Variants in DICER1 observed in about 807,000 individuals in gnomAD.
DICER1 encodes endoribonuclease Dicer.
A neutral mutation model predicts 194.1 loss-of-function variants in DICER1; 43 were observed. That is an observed-to-expected ratio of 0.22 (90% confidence interval 0.17 to 0.29). The LOEUF is 0.29. DICER1 is among the 10% of genes least tolerant of loss of function. The pLI, the probability that DICER1 is intolerant of heterozygous loss-of-function variation, is 1.00. For missense variants in DICER1, 1,608 were observed against 2,317.0 expected, an observed-to-expected ratio of 0.69 and a Z score of 6.28; for synonymous variants, 832 against 820.5, an observed-to-expected ratio of 1.01 and a Z score of -0.24.
At chr14:95,134,170 T>C (rs940238133) in intron 1 of DICER1, among the ~76,000 whole-genome samples, 2 of 152,196 alleles carry the variant, frequency 1.3e-5, no homozygotes, top group African/African-American at 2.4e-5. Flanking sequence ...CAACCTATTA[T>C]AAATGCACAA....
chr14:95,095,742 G>T (rs1255290081), intron 23 of DICER1, 83 bp downstream of exon 23: 12 of 1,426,994 alleles, frequency 8.4e-6, no homozygotes, highest in South Asian at 1.2e-5. Flanking sequence ...TACATGCATA[G>T]ATCACTTTTA....
intron 1 of DICER1, among the ~76,000 whole-genome samples, chr14:95,149,071 A>G (rs775468692): frequency 2.6e-5 from 4 of 152,176 alleles, no homozygotes; most frequent in Non-Finnish European, 2.9e-5. Flanking sequence ...CTACAGGCAC[A>G]TACTTTACTC....
At chr14:95,144,632 G>A (rs1039381821) in intron 1 of DICER1, among the ~76,000 whole-genome samples, 30 of 151,900 alleles carry the variant, frequency 2.0e-4, no homozygotes, top group African/African-American at 5.8e-4. Context: ...TTCATTAACC[G>A]TAAGATTCGG....
At chr14:95,096,734 G>A (rs1482144586) in intron 22 of DICER1, 21 bp from the exon 23 acceptor site, 28 of 1,579,374 alleles carry the variant, frequency 1.8e-5, no homozygotes, top group Non-Finnish European at 2.3e-5. Context: ...GGGGAATGGG[G>A]AAGGAGGGGA....
At chr14:95,093,580 T>C (rs1163072711) in intron 24 of DICER1, among the ~76,000 whole-genome samples, 2 of 152,214 alleles carry the variant, frequency 1.3e-5, no homozygotes, top group Non-Finnish European at 2.9e-5. Context: ...GGTCCGGCAG[T>C]GGAGGCCACT....
chr14:95,129,831 A>G (rs976107492), intron 5 of DICER1, among the ~76,000 whole-genome samples, 199 bp from the exon 6 acceptor site: 2 of 152,232 alleles, frequency 1.3e-5, no homozygotes, highest in Non-Finnish European at 2.9e-5. Context: ...CTGTTTTTCA[A>G]AAAGGCTCAA....
intron 1 of DICER1, among the ~76,000 whole-genome samples, chr14:95,134,733 G>T (rs1390637535): frequency 6.6e-6 from 1 of 152,120 alleles, no homozygotes; most frequent in Non-Finnish European, 1.5e-5. Flanking sequence ...CAGTGCAGGG[G>T]CACCCCACTG....
At chr14:95,111,198 C>A in intron 14 of DICER1, 119 bp downstream of exon 14, 1 of 1,133,348 alleles carries the variant, frequency 8.8e-7, no homozygotes, top group Non-Finnish European at 1.3e-6. Context: ...AGCTGAGATC[C>A]AGAGTGGGCC....
chr14:95,130,807 T>C (rs1287991857), intron 4 of DICER1, among the ~76,000 whole-genome samples: 1 of 152,180 alleles, frequency 6.6e-6, no homozygotes, highest in Non-Finnish European at 1.5e-5. Flanking sequence ...GCTGGCTGCA[T>C]GGAAACATTC....
At chr14:95,093,007 G>A (rs1367829477) in intron 24 of DICER1, among the ~76,000 whole-genome samples, 2 of 152,176 alleles carry the variant, frequency 1.3e-5, no homozygotes, top group Non-Finnish European at 2.9e-5. Context: ...CTGGCAGGGC[G>A]TGAACTCGGC....
intron 6 of DICER1, among the ~76,000 whole-genome samples, chr14:95,127,471 T>G (rs1893574733): frequency 6.6e-6 from 1 of 151,700 alleles, no homozygotes; most frequent in Non-Finnish European, 1.5e-5. Flanking sequence ...AAAAATGAAG[T>G]ATCTTGAGGA....
chr14:95,117,740 G>C lies in DICER1; in HGVS notation c.1391C>G (p.Ala464Gly), dbSNP rs761639108. ...AVVLNRLIKE[A>G]GKQDPELAYI... ...AGCCAGCTCTGGATCTTGTTTGCCA[G>C]CTTCCTTTATCAATCTAAGAAAATT... is the stretch of plus-strand genomic sequence containing the variant. Residue 464 changes from alanine to glycine, a missense_variant, in exon 9 of 27, where the codon GCT becomes GGT. Transcript: ENST00000343455. 2 of 1,613,816 alleles carry C rather than the reference G, an allele frequency of 1.2e-6. No homozygotes were observed. Among genetic ancestry groups the C allele is most frequent in the Non-Finnish European group, 1.7e-6 (2 of 1,179,762 alleles).
Position 95,107,697 on chromosome 14 carries a change from A to C in DICER1, c.2715T>G (p.Ala905=). The change falls in exon 17 of 27, where the codon GCT becomes GCG. Residue 905 remains alanine, a synonymous_variant. Transcript: ENST00000343455. ...KFMEDIEKSE[A]RIGIPSTKYT... is the part of the protein sequence containing the mutation. ...ACTTTGTACTGGGAATGCCTATGCG[A>C]GCTTCAGACTTCTCAATATCTTCCA... 2 of 1,613,384 alleles carry C rather than the reference A, an allele frequency of 1.2e-6. No homozygotes were observed. The highest frequency in any genetic ancestry group is 1.7e-6 in the Non-Finnish European group (2 of 1,179,510).
At chr14:95,126,254 T>G (rs776376130) in intron 7 of DICER1, among the ~76,000 whole-genome samples, 6 of 152,150 alleles carry the variant, frequency 3.9e-5, no homozygotes, top group Non-Finnish European at 5.9e-5. Flanking sequence ...GCGGAAGAAT[T>G]TGTTTAATTC....
At chr14:95,106,314 AT>A (rs1891426150) in intron 17 of DICER1, 91 bp from the exon 18 acceptor site, 1 of 973,956 alleles carries the variant, frequency 1.0e-6, no homozygotes, top group African/African-American at 1.6e-5. Context: ...GGAAATGATG[AT>A]TAAGAATTCA....
Position 95,133,387 on chromosome 14 carries a change from C to A in DICER1, c.72G>T (p.Met24Ile), listed in dbSNP as rs751520020. ...LQLMTPASSP[M>I]GPFFGLPWQQ... ...GCCATGGCAGTCCAAAGAAAGGACC[C>A]ATTGGTGAGGAAGCAGGGGTCATGA... Residue 24 changes from methionine (M) to isoleucine (I), a missense_variant, in exon 2 of 27, where the codon ATG (methionine) becomes ATT (isoleucine). Around this residue, in one of 10 missense-constraint regions of DICER1, gnomAD observed 657 missense variants for 910.1 expected, o/e 0.72. Transcript: ENST00000343455. 3.1e-6 allele frequency: 5 copies of A among 1,613,950 alleles called. No individual in the cohort carries two copies.
chr14:95,129,555 C>T lies in DICER1; in HGVS notation c.651G>A (p.Glu217=). The T allele has an allele frequency of 1.9e-6, 3 of 1,613,792 alleles. No homozygotes were observed. The highest frequency in any genetic ancestry group is 2.5e-6 in the Non-Finnish European group (3 of 1,179,848). Residue 217 remains glutamate, a synonymous_variant, in exon 6 of 27, where the codon GAG becomes GAA. Coordinates refer to ENST00000343455, the MANE Select transcript of DICER1 (RefSeq NM_177438.3). The part of the protein sequence containing the change: ...ASILNGKCDP[E]ELEEKIQKLE... ...GTTTCTGAATCTTTTCTTCCAATTC[C>T]TCTGGATCACATTTCCCATTTAAAA...
At chr14:95,103,086 T>C (rs1477959407) in intron 21 of DICER1, among the ~76,000 whole-genome samples, 4 of 152,202 alleles carry the variant, frequency 2.6e-5, no homozygotes, top group African/African-American at 9.7e-5. Flanking sequence ...TGACTTTCAA[T>C]CAAAAAGTAA....
At chr14:95,122,831 A>C (rs868023054) in intron 8 of DICER1, among the ~76,000 whole-genome samples, 1 of 152,206 alleles carries the variant, frequency 6.6e-6, no homozygotes, top group Non-Finnish European at 1.5e-5. Context: ...CCAGACTAAA[A>C]ACTGCCAGAT....
Sources: allele counts gnomAD v4.1 joint callset (sites outside exome capture counted in the v4.1 genomes callset), GRCh38; gene constraint gnomAD v4.1.1; regional missense constraint gnomAD v4.1.1; transcripts MANE v1.5; gene names NCBI Gene and HGNC (gene_info 2026-07-23, HGNC 2026-07-21).